LPP: variants seen among roughly 807,000 people sequenced by gnomAD.
LPP encodes the protein LIM domain containing preferred translocation partner in lipoma.
A neutral mutation model predicts 60.4 loss-of-function variants in LPP; 38 were observed. The ratio of observed to expected loss-of-function variants is 0.63; its 90% CI spans 0.49 to 0.83. LPP has a LOEUF of 0.83. Ranked by LOEUF, LPP falls within the 40% of genes least tolerant of loss-of-function variation. LPP has a pLI of 0.00. For synonymous variants in LPP, 328 were observed against 290.8 expected, an observed-to-expected ratio of 1.13 and a Z score of -1.30; for missense variants, 902 against 783.6, an observed-to-expected ratio of 1.15 and a Z score of -1.80.
At chr3:188,509,704 T>C (rs1347735631) in intron 5 of LPP, among the ~76,000 whole-genome samples, 3 of 135,558 alleles carry the variant, frequency 2.2e-5, no homozygotes, top group East Asian at 4.1e-4. Context: ...CTCTCTTTTC[T>C]TTTTTTTTTT....
At chr3:188,681,188 GT>G (rs1318766781) in intron 7 of LPP, among the ~76,000 whole-genome samples, 1 of 151,916 alleles carries the variant, frequency 6.6e-6, no homozygotes. Flanking sequence ...TAGGGATGGG[GT>G]TTCACCATGT....
intron 8 of LPP, among the ~76,000 whole-genome samples, chr3:188,724,141 G>A (rs1191720848): frequency 6.6e-6 from 1 of 152,068 alleles, no homozygotes; most frequent in Non-Finnish European, 1.5e-5. Context: ...ACTTATATCT[G>A]GACTATAACT....
intron 4 of LPP, among the ~76,000 whole-genome samples, chr3:188,436,450 T>C (rs1792318809): frequency 6.6e-6 from 1 of 152,216 alleles, no homozygotes; most frequent in African/African-American, 2.4e-5. Context: ...ATCATCTCAA[T>C]GGACAGTGCA....
At chr3:188,587,008 C>T (rs1328165934) in intron 6 of LPP, among the ~76,000 whole-genome samples, 13 of 152,022 alleles carry the variant, frequency 8.6e-5, no homozygotes, top group South Asian at 2.1e-4. Context: ...GGATTACAGA[C>T]GTGAGCCACC....
chr3:188,584,126 G>T (rs977347628), intron 6 of LPP, among the ~76,000 whole-genome samples: 2 of 152,184 alleles, frequency 1.3e-5, no homozygotes, highest in African/African-American at 4.8e-5. Flanking sequence ...TTACTTGGAA[G>T]AAATTTTCTA....
intron 9 of LPP, among the ~76,000 whole-genome samples, chr3:188,776,044 C>T (rs1023479428): frequency 3.9e-5 from 6 of 152,254 alleles, no homozygotes; most frequent in Non-Finnish European, 8.8e-5. Flanking sequence ...AAAGACTGTG[C>T]TCCGTGCTAT....
At chr3:188,264,470 T>C (rs954945154) in intron 2 of LPP, among the ~76,000 whole-genome samples, 7 of 152,096 alleles carry the variant, frequency 4.6e-5, no homozygotes, top group Admixed American at 6.5e-5. Context: ...AAGCATTTGC[T>C]CTGAGAAATG....
intron 9 of LPP, among the ~76,000 whole-genome samples, chr3:188,844,049 G>A (rs1760830496): frequency 6.6e-6 from 1 of 152,098 alleles, no homozygotes; most frequent in Non-Finnish European, 1.5e-5. Flanking sequence ...CAAGTTCTTA[G>A]AATACTGTTA....
intron 2 of LPP, among the ~76,000 whole-genome samples, chr3:188,329,600 A>G (rs1190027090): frequency 6.6e-6 from 1 of 151,634 alleles, no homozygotes; most frequent in Non-Finnish European, 1.5e-5. Flanking sequence ...GGGATACAAA[A>G]CCTGTATAAT....
At chr3:188,174,608 C>G (rs561002455) in intron 1 of LPP, among the ~76,000 whole-genome samples, 1 of 152,244 alleles carries the variant, frequency 6.6e-6, no homozygotes, top group East Asian at 1.9e-4. Flanking sequence ...ACATAAATAC[C>G]CTGTATATCT....
intron 9 of LPP, among the ~76,000 whole-genome samples, chr3:188,785,881 T>C (rs539191115): frequency 6.6e-6 from 1 of 152,114 alleles, no homozygotes; most frequent in South Asian, 2.1e-4. Context: ...TTGTCCAGTC[T>C]CTCTGGGATC....
At chr3:188,456,766 A>T (rs1276716026) in intron 4 of LPP, among the ~76,000 whole-genome samples, 2 of 152,254 alleles carry the variant, frequency 1.3e-5, no homozygotes, top group Admixed American at 1.3e-4. Flanking sequence ...GATTTTTAAG[A>T]AAAGGAGCTC....
chr3:188,873,709 TG>T (rs1026837535), intron 11 of LPP, among the ~76,000 whole-genome samples: 9 of 152,276 alleles, frequency 5.9e-5, no homozygotes, highest in African/African-American at 2.2e-4. Context: ...AGCAAAACTG[TG>T]GGTGGTGCTC....
intron 1 of LPP, among the ~76,000 whole-genome samples, chr3:188,158,345 C>T (rs934458250): frequency 6.6e-6 from 1 of 152,204 alleles, no homozygotes; most frequent in East Asian, 1.9e-4. Flanking sequence ...GGGTGAAAAT[C>T]TGTTGGCTTG....
intron 8 of LPP, among the ~76,000 whole-genome samples, chr3:188,742,897 A>G (rs556689493): frequency 2.6e-5 from 4 of 152,326 alleles, no homozygotes; most frequent in African/African-American, 9.6e-5. Context: ...CGGCCAAGGC[A>G]TATTTGAGCG....
At chr3:188,530,904 A>G (rs1822012770) in intron 6 of LPP, among the ~76,000 whole-genome samples, 1 of 152,204 alleles carries the variant, frequency 6.6e-6, no homozygotes. Context: ...GAAGCTATGC[A>G]GGGGTTGGAA....
chr3:188,539,676 T>G (rs1268586650), intron 6 of LPP, among the ~76,000 whole-genome samples: 2 of 152,188 alleles, frequency 1.3e-5, no homozygotes, highest in African/African-American at 4.8e-5. Context: ...AGAGTTGACA[T>G]GAGGACCACA....
rs1762213697 is a variant in LPP at position 188,849,304 on chromosome 3, C to T, written c.1411-16896C>T. On this transcript the variant is annotated intron_variant, in intron 9 of 11. Coordinates refer to ENST00000617246, the MANE Select transcript of LPP (RefSeq NM_001375462.1). ...GGGAAATATATTTATTCTGGGCAGC[C>T]ATGTACTTAGCTACAATTTGGAGGT... Among the ~76,000 whole-genome samples, 3 of 151,748 alleles carry T rather than the reference C, an allele frequency of 2.0e-5. No individual in the cohort carries two copies. The South Asian group carries it at 6.2e-4, about 31-fold the overall frequency.
intron 10 of LPP, 121 bp downstream of exon 10, chr3:188,866,499 C>T: frequency 5.1e-6 from 4 of 780,688 alleles, no homozygotes; most frequent in Non-Finnish European, 5.4e-6. Context: ...TTTAGTGAGG[C>T]TTTTAAAAGA....
Sources: allele counts gnomAD v4.1 joint callset (sites outside exome capture counted in the v4.1 genomes callset), GRCh38; gene constraint gnomAD v4.1.1; transcripts MANE v1.5; gene names NCBI Gene and HGNC (gene_info 2026-07-23, HGNC 2026-07-21).